Variants in CLDN14 observed in about 807,000 individuals in gnomAD.
The protein encoded by CLDN14 is claudin-14.
A neutral mutation model predicts 2.1 loss-of-function variants in CLDN14; 2 were observed. The ratio of observed to expected loss-of-function variants is 0.96; its 90% CI spans 0.39 to 3.01. CLDN14 has a LOEUF of 3.01. Ranked by LOEUF, CLDN14 falls within the 30% of genes most tolerant of loss-of-function variation. The pLI, the probability that CLDN14 is intolerant of heterozygous loss-of-function variation, is 0.09. For missense variants in CLDN14, 298 were observed against 328.0 expected (o/e 0.91, Z 0.71); for synonymous variants, 136 against 154.4 (o/e 0.88, Z 0.88).
chr21:36,532,473 C>T (rs1369527055), intron 1 of CLDN14: 1 of 151,708 alleles, frequency 6.6e-6, no homozygotes, highest in East Asian at 1.9e-4. Flanking sequence ...GGAGGGATAG[C>T]ATTAGGAGAT....
intron 1 of CLDN14, among the ~76,000 whole-genome samples, chr21:36,563,985 T>G (rs2087655580): frequency 6.6e-6 from 1 of 152,146 alleles, no homozygotes. Context: ...AATGGGAAAG[T>G]GTATTCGATG....
intron 1 of CLDN14, among the ~76,000 whole-genome samples, chr21:36,526,913 G>C (rs6517360): frequency 0.019 from 2,845 of 152,322 alleles, 92 homozygotes; most frequent in African/African-American, 0.064. Context: ...CACCTCCCGA[G>C]ACGGGGATGT....
At chr21:36,495,302 C>T (rs2074292327) in intron 2 of CLDN14, among the ~76,000 whole-genome samples, 1 of 152,162 alleles carries the variant, frequency 6.6e-6, no homozygotes, top group South Asian at 2.1e-4. Flanking sequence ...GCACTCCAGC[C>T]TGGGCAACAA....
intron 1 of CLDN14, among the ~76,000 whole-genome samples, chr21:36,470,348 G>A (rs1476491071): frequency 6.6e-6 from 1 of 152,260 alleles, no homozygotes; most frequent in Non-Finnish European, 1.5e-5. Context: ...AAGAGGATGG[G>A]CATATGAAGA....
At chr21:36,501,028 C>T (rs1057479692) in intron 2 of CLDN14, among the ~76,000 whole-genome samples, 9 of 152,332 alleles carry the variant, frequency 5.9e-5, no homozygotes, top group African/African-American at 1.9e-4. Flanking sequence ...AGCTAACACC[C>T]GGGGGGTGCG....
At position 36,541,986 on chromosome 21, in the gene CLDN14, C is replaced by T. The variant is rs111956354; in HGVS notation, c.-219-31486G>A. 4.2e-3 allele frequency among the ~76,000 whole-genome samples: 634 copies of T among 152,250 alleles called. 3 individuals are homozygous for T. Among genetic ancestry groups the T allele is most frequent in the African/African-American group, 0.014 (582 of 41,546 alleles). On this transcript the variant is annotated intron_variant, in intron 1 of 2. Coordinates refer to the CLDN14 transcript ENST00000342108. ...TTTCTTTTACTTTTGCAGCCAGAGTCTCCCTCTGTCGCCCAGGCTGGAGTG... is the reference window on the plus strand; with the variant it reads ...TTTCTTTTACTTTTGCAGCCAGAGTTTCCCTCTGTCGCCCAGGCTGGAGTG...
At chr21:36,500,367 G>T (rs969096693) in intron 2 of CLDN14, among the ~76,000 whole-genome samples, 1 of 152,172 alleles carries the variant, frequency 6.6e-6, no homozygotes, top group Admixed American at 6.5e-5. Context: ...GACACGTCCC[G>T]CTGACCAACC....
At chr21:36,527,226 A>T (rs2087339085) in intron 1 of CLDN14, among the ~76,000 whole-genome samples, 1 of 152,202 alleles carries the variant, frequency 6.6e-6, no homozygotes, top group African/African-American at 2.4e-5. Context: ...GAATAATGAA[A>T]AATTGCCAAC....
chr21:36,530,663 G>A (rs1473105067), intron 1 of CLDN14, among the ~76,000 whole-genome samples: 4 of 152,330 alleles, frequency 2.6e-5, no homozygotes, highest in African/African-American at 9.6e-5. Flanking sequence ...TGGAGGGAGT[G>A]ACCGATTCCC....
At chr21:36,522,664 G>A (rs1011787484) in intron 1 of CLDN14, among the ~76,000 whole-genome samples, 1 of 152,354 alleles carries the variant, frequency 6.6e-6, no homozygotes, top group Middle Eastern at 3.4e-3. Flanking sequence ...TGTCCCCGGA[G>A]CCCAACACAT....
At chr21:36,526,894 T>C (rs1228425104) in intron 1 of CLDN14, among the ~76,000 whole-genome samples, 2 of 152,208 alleles carry the variant, frequency 1.3e-5, no homozygotes, top group African/African-American at 4.8e-5. Context: ...ATGGTGGGCC[T>C]GATAGGCCCA....
chr21:36,526,869 CAAATGT>C (rs1293090649), intron 1 of CLDN14, among the ~76,000 whole-genome samples: 2 of 152,208 alleles, frequency 1.3e-5, no homozygotes, highest in Non-Finnish European at 2.9e-5. Context: ...CTCATTAGCA[CAAATGT>C]ACTTCTGTAT....
intron 1 of CLDN14, among the ~76,000 whole-genome samples, chr21:36,523,734 T>G (rs1420555830): frequency 2.0e-5 from 2 of 102,044 alleles, no homozygotes; most frequent in Non-Finnish European, 3.7e-5. Context: ...GGTGACAGAG[T>G]GAGACTCCAT....
chr21:36,510,772 C>G (rs566524669), intron 1 of CLDN14, among the ~76,000 whole-genome samples: 50 of 152,374 alleles, frequency 3.3e-4, no homozygotes, highest in African/African-American at 1.2e-3. Flanking sequence ...ATCCCAAGGT[C>G]TGCAGCCATG....
intron 2 of CLDN14, among the ~76,000 whole-genome samples, chr21:36,502,720 A>G (rs1206073494): frequency 2.0e-5 from 3 of 152,230 alleles, no homozygotes; most frequent in African/African-American, 7.2e-5. Context: ...AGTGTTATCC[A>G]CTAATGCTTT....
Position 36,461,369 on chromosome 21 carries a change from C to G in CLDN14, c.327G>C (p.Lys109Asn). 1.2e-6 allele frequency: 2 copies of G among 1,613,034 alleles called. No homozygotes were observed. Among genetic ancestry groups the G allele is most frequent in the Non-Finnish European group, 1.7e-6 (2 of 1,179,892 alleles). The change falls in exon 2 of 2, where the codon AAG becomes AAC. Residue 109 changes from lysine to asparagine, a missense_variant. Physicochemically the swap from Lys to Asn is moderately conservative, Grantham distance 94. Coordinates refer to ENST00000399135, the MANE Select transcript of CLDN14 (RefSeq NM_001146079.2). ...CAAAGGTGGTCTTGGCGGGTGTGCCCTTGGCGCAGCGCGTGCACTTCATCC... is the reference window on the plus strand; with the variant it reads ...CAAAGGTGGTCTTGGCGGGTGTGCCGTTGGCGCAGCGCGTGCACTTCATCC... ...VIGMKCTRCAKGTPAKTTFAI... is the reference protein window; with the variant it reads ...VIGMKCTRCANGTPAKTTFAI...
At position 36,514,899 on chromosome 21, in the gene CLDN14, C is replaced by T. The variant is rs543611262; in HGVS notation, c.-219-4399G>A. On this transcript the variant is annotated intron_variant, in intron 1 of 2. Coordinates refer to the CLDN14 transcript ENST00000342108. Reference sequence around the variant, plus strand: ...TTACTCTTACAGTGCAAAACCCAGCCCCGGGTCTTCCCACTGTTATCTACT... The same window carrying T: ...TTACTCTTACAGTGCAAAACCCAGCTCCGGGTCTTCCCACTGTTATCTACT... Among the ~76,000 whole-genome samples the T allele has an allele frequency of 2.0e-5, 3 of 152,138 alleles. No individual in the cohort carries two copies. The South Asian group carries it at 6.2e-4, about 32-fold the overall frequency.
chr21:36,502,677 A>T (rs41513750), intron 2 of CLDN14, among the ~76,000 whole-genome samples: 1 of 152,202 alleles, frequency 6.6e-6, no homozygotes, highest in African/African-American at 2.4e-5. Flanking sequence ...GGATGTCTTT[A>T]GGAGCCAATA....
intron 1 of CLDN14, among the ~76,000 whole-genome samples, chr21:36,537,225 A>G (rs993479819): frequency 2.0e-5 from 3 of 151,968 alleles, no homozygotes; most frequent in Admixed American, 2.0e-4. Context: ...AACACACAAA[A>G]ACAAATCTGC....
Sources: allele counts gnomAD v4.1 joint callset (sites outside exome capture counted in the v4.1 genomes callset), GRCh38; gene constraint gnomAD v4.1.1; transcripts MANE v1.5; gene names NCBI Gene and HGNC (gene_info 2026-07-23, HGNC 2026-07-21).